Variants in ECI2 observed in about 807,000 individuals in gnomAD.
The protein encoded by ECI2 is D3,D2-enoyl-CoA isomerase.
Under a neutral mutation model 38.4 loss-of-function variants are expected in ECI2, and 27 were observed. The ratio of observed to expected loss-of-function variants is 0.70; its 90% CI spans 0.52 to 0.97. The LOEUF (loss-of-function observed/expected upper bound fraction) is 0.97. ECI2 is among the 50% of genes least tolerant of loss of function. The pLI is 0.00. For synonymous variants in ECI2, 168 were observed against 172.0 expected, an observed-to-expected ratio of 0.98 and a Z score of 0.18; for missense variants, 470 against 474.4, an observed-to-expected ratio of 0.99 and a Z score of 0.09.
chr6:4,128,842 C>T (rs574876780), intron 4 of ECI2, among the ~76,000 whole-genome samples: 4 of 152,230 alleles, frequency 2.6e-5, no homozygotes, highest in African/African-American at 9.6e-5. Flanking sequence ...TCAGGTTCCG[C>T]GGATTTTGTT....
At chr6:4,129,260 G>A (rs371135354) in intron 4 of ECI2, among the ~76,000 whole-genome samples, 75 of 152,102 alleles carry the variant, frequency 4.9e-4, no homozygotes, top group African/African-American at 1.8e-3. Context: ...CTATAGGTGC[G>A]CACCACCATG....
At chr6:4,133,456 G>GC in intron 2 of ECI2, 93 bp downstream of exon 2, 1 of 1,471,878 alleles carries the variant, frequency 6.8e-7, no homozygotes, top group Non-Finnish European at 9.1e-7. Context: ...AAACCAAAAT[G>GC]TTAAGGCCAC....
At position 4,119,304 on chromosome 6, in the gene ECI2, A is replaced by G. The variant is rs772851388; in HGVS notation, c.796-29T>C. 3 of 1,511,012 alleles carry G rather than the reference A, an allele frequency of 2.0e-6. No homozygotes were observed. The Admixed American group carries it at 6.1e-5, about 31-fold the overall frequency. 93.6% of individuals were successfully genotyped at this position (1,511,012 alleles called of 1,614,324 possible). A position where few individuals can be genotyped will look rare whatever the true frequency, so the allele number is the denominator to read the frequency against. The stretch of plus-strand genomic sequence containing the variant: ...CAGAGGCAGGAGAGAAAAGAAAACC[A>G]TCTTTTCATGTGTGATTTTTTTTTT... On this transcript the variant is annotated intron_variant, in intron 7 of 9. Transcript: ENST00000380118.
At chr6:4,119,319 A>G in intron 7 of ECI2, 44 bp from the exon 8 acceptor site, 1 of 1,172,058 alleles carries the variant, frequency 8.5e-7, no homozygotes, top group Non-Finnish European at 1.2e-6. Flanking sequence ...TTCATGTGTG[A>G]TTTTTTTTTT....
At chr6:4,129,329 G>A (rs1021643592) in intron 4 of ECI2, among the ~76,000 whole-genome samples, 7 of 152,136 alleles carry the variant, frequency 4.6e-5, no homozygotes, top group African/African-American at 1.7e-4. Context: ...GGCCAGGCTG[G>A]TCTTGAACTC....
At chr6:4,135,191 G>A (rs1389425370) in intron 1 of ECI2, 1 of 680,466 alleles carries the variant, frequency 1.5e-6, no homozygotes, top group African/African-American at 1.8e-5. Flanking sequence ...CTCAGCTGGG[G>A]CGGCTCACCC....
In ECI2 at chr6:4,115,819, T is replaced by C; in HGVS notation, c.*55A>G. ...GCTTATTTAGTTCCAGTACTGGAAA[T>C]CAGAGGTAACAGCACATCCTTCCTT... On this transcript the variant is annotated 3_prime_UTR_variant, in exon 10 of 10. Coordinates refer to ENST00000380118, the MANE Select transcript of ECI2 (RefSeq NM_206836.3). 6.4e-7 allele frequency: 1 copy of C among 1,562,320 alleles called. No individual in the cohort carries two copies. Among genetic ancestry groups the C allele is most frequent in the Admixed American group, 1.9e-5 (1 of 52,940 alleles).
At chr6:4,123,691 G>T (rs1391181184) in intron 7 of ECI2, among the ~76,000 whole-genome samples, 1 of 151,980 alleles carries the variant, frequency 6.6e-6, no homozygotes, top group East Asian at 1.9e-4. Flanking sequence ...TGCAGGCCAG[G>T]CTCAGTGGCT....
At chr6:4,125,217 G>A (rs1773064819) in intron 7 of ECI2, 33 bp downstream of exon 7, 11 of 1,611,874 alleles carry the variant, frequency 6.8e-6, no homozygotes, top group African/African-American at 1.3e-5. Context: ...CGCGCTGCTT[G>A]CCTGACCTCT....
intron 7 of ECI2, among the ~76,000 whole-genome samples, chr6:4,120,461 T>C (rs1252065718): frequency 6.6e-6 from 1 of 152,180 alleles, no homozygotes; most frequent in Non-Finnish European, 1.5e-5. Context: ...GTGTGGTGGC[T>C]CATGCCTGTA....
In ECI2 at chr6:4,115,883, T is replaced by A; in HGVS notation, c.1176A>T (p.Ser392=). Residue 392 remains serine (S), a synonymous_variant, in exon 10 of 10, where the codon TCA becomes TCT. Transcript: ENST00000380118. The part of the protein sequence containing the change: ...NAVVNFLSRK[S]KL ...TCTGCTGTAGTGGTCATCACAGTTTTGATTTTCTGGATAAGAAGTTCACCA... is the reference window on the plus strand; with the variant it reads ...TCTGCTGTAGTGGTCATCACAGTTTAGATTTTCTGGATAAGAAGTTCACCA... The A allele has an allele frequency of 6.2e-7, 1 of 1,612,618 alleles. No individual in the cohort carries two copies. The highest frequency in any genetic ancestry group is 8.5e-7 in the Non-Finnish European group (1 of 1,179,316).
At chr6:4,124,615 G>A (rs582301) in intron 7 of ECI2, among the ~76,000 whole-genome samples, 2,264 of 152,268 alleles carry the variant, frequency 0.015, 140 homozygotes, top group Admixed American at 0.11. Flanking sequence ...TTATCTCTAG[G>A]TGGCAAGATA....
chr6:4,130,212 A>C, intron 4 of ECI2, 160 bp downstream of exon 4: 6 of 1,613,774 alleles, frequency 3.7e-6, no homozygotes, highest in Non-Finnish European at 5.1e-6. Flanking sequence ...ATGAATGCTC[A>C]ACTCTGTTGT....
Position 4,127,749 on chromosome 6 carries a change from G to T in ECI2, c.571+13C>A. 6.2e-7 allele frequency: 1 copy of T among 1,606,748 alleles called. No individual in the cohort carries two copies. The highest frequency in any genetic ancestry group is 1.1e-5 in the South Asian group (1 of 89,400). ...ATAGAAATTTAATTAGGATGCCTGA[G>T]AAAATGTCTTACCTGTTAAAACAGT... On this transcript the variant is annotated intron_variant, in intron 5 of 9. Coordinates refer to ENST00000380118, the MANE Select transcript of ECI2 (RefSeq NM_206836.3).
Position 4,115,911 on chromosome 6 carries a change from G to A in ECI2, c.1148C>T (p.Ala383Val), listed in dbSNP as rs1246068362. The part of the protein sequence containing the change: ...GRWLSDECTN[A>V]VVNFLSRKSK... ...TTTTCTGGATAAGAAGTTCACCACA[G>A]CATTTGTGCATTCATCTGATAGCCA... The change falls in exon 10 of 10, where the codon GCT becomes GTT. Residue 383 changes from alanine (A) to valine (V), a missense_variant. Physicochemically the swap from Ala to Val is moderately conservative, Grantham distance 64 (BLOSUM62 0). Coordinates refer to ENST00000380118, the MANE Select transcript of ECI2 (RefSeq NM_206836.3). 2.5e-6 allele frequency: 4 copies of A among 1,614,094 alleles called. No homozygotes were observed. In the Admixed American group the frequency reaches 6.7e-5, roughly 27 times the overall value.
chr6:4,135,525 C>T lies in ECI2; in HGVS notation c.36G>A (p.Arg12=). The change falls in exon 1 of 10, where the codon CGG becomes CGA. Residue 12 remains arginine, a synonymous_variant. Coordinates refer to ENST00000380118, the MANE Select transcript of ECI2 (RefSeq NM_206836.3). ...TCCAAGCTTACCTCGGACACGAACG[C>T]CGCGCCAGTCTCCAAGCCAAGTACG... is the stretch of plus-strand genomic sequence containing the variant. The part of the protein sequence containing the change: ...AMAYLAWRLA[R]RSCPSSLQVT... The T allele has an allele frequency of 4.3e-6, 7 of 1,611,668 alleles. No individual in the cohort carries two copies. The highest frequency in any genetic ancestry group is 5.9e-6 in the Non-Finnish European group (7 of 1,179,454).
intron 7 of ECI2, among the ~76,000 whole-genome samples, chr6:4,122,323 C>T (rs554995658): frequency 2.0e-5 from 3 of 151,810 alleles, no homozygotes; most frequent in South Asian, 2.1e-4. Context: ...CGGGTTCAAG[C>T]GATTCTCCTG....
intron 7 of ECI2, chr6:4,122,191 C>G (rs1008738562): frequency 1.2e-5 from 5 of 420,560 alleles, no homozygotes; most frequent in African/African-American, 8.3e-5. Context: ...CCACAGTTTT[C>G]TCATTTGTAA....
rs765275905 is a variant in ECI2, at chr6:4,135,518, A to G, written c.43T>C (p.Cys15Arg). 1.9e-6 allele frequency: 3 copies of G among 1,586,524 alleles called. No homozygotes were observed. The highest frequency in any genetic ancestry group is 2.6e-6 in the Non-Finnish European group (3 of 1,164,186). The change falls in exon 1 of 10, where the codon TGT becomes CGT. Residue 15 changes from cysteine to arginine, a missense_variant. By Grantham distance (180) the Cys-to-Arg change is radical. Transcript: ENST00000380118. The stretch of plus-strand genomic sequence containing the variant: ...CCGGGACTCCAAGCTTACCTCGGAC[A>G]CGAACGCCGCGCCAGTCTCCAAGCC... ...YLAWRLARRS[C>R]PSSLQVTSFP... is the part of the protein sequence containing the mutation.
Sources: gnomAD v4.1 joint callset for allele counts (sites outside exome capture counted in the v4.1 genomes callset) on GRCh38, gnomAD v4.1.1 for gene constraint, MANE v1.5 for transcripts, NCBI Gene and HGNC (gene_info 2026-07-23, HGNC 2026-07-21) for gene names.